The following UGT2B11 variants were observed in gnomAD, a reference collection of about 807,000 sequenced individuals.
UGT2B11 encodes the protein UDP-glucuronosyltransferase 2B11.
In UGT2B11, 49 loss-of-function variants were observed where a neutral mutation model predicts 51.7. The ratio of observed to expected loss-of-function variants is 0.95; its 90% CI spans 0.75 to 1.20. UGT2B11 has a LOEUF of 1.20. Ranked by LOEUF, UGT2B11 falls within the 50% of genes most tolerant of loss-of-function variation. The pLI is 0.00. For synonymous variants in UGT2B11, 273 were observed against 209.0 expected, an observed-to-expected ratio of 1.31 and a Z score of -2.64; for missense variants, 810 against 622.1, an observed-to-expected ratio of 1.30 and a Z score of -3.21.
chr4:69,203,871 G>T (rs1361342196), intron 5 of UGT2B11, among the ~76,000 whole-genome samples: 1 of 151,514 alleles, frequency 6.6e-6, no homozygotes, highest in Non-Finnish European at 1.5e-5. Flanking sequence ...TGGTGTCATT[G>T]CAGTTTCTTT....
chr4:69,200,822 A>C, intron 5 of UGT2B11, 103 bp from the exon 6 acceptor site: 1 of 1,277,296 alleles, frequency 7.8e-7, no homozygotes, highest in East Asian at 2.7e-5. Context: ...TTCAAAATAA[A>C]TGTCAAAGAA....
chr4:69,200,776 A>G, intron 5 of UGT2B11, 57 bp from the exon 6 acceptor site: 3 of 1,503,538 alleles, frequency 2.0e-6, no homozygotes, highest in Non-Finnish European at 2.7e-6. Flanking sequence ...GCCTGTACAT[A>G]TCAAGTCTAT....
Position 69,208,446 on chromosome 4 carries a change from C to A in UGT2B11, c.907G>T (p.Gly303Cys), listed in dbSNP as rs1405094128. The A allele has an allele frequency of 1.2e-6, 2 of 1,609,598 alleles. No individual in the cohort carries two copies. The highest frequency in any genetic ancestry group is 1.7e-5 in the Admixed American group (1 of 59,778). ...GACCCCAGAGAAAACACCACAACAC[C>A]ATTTTCTCCAGAGCTCTGTACAAAC... is the stretch of plus-strand genomic sequence containing the variant. ...EEFVQSSGENGVVVFSLGSVI... is the reference protein window; with the variant it reads ...EEFVQSSGENCVVVFSLGSVI... The change falls in exon 3 of 6, where the codon GGT (glycine) becomes TGT (cysteine). Residue 303 changes from glycine (G) to cysteine (C), a missense_variant. Physicochemically the swap from Gly to Cys is radical, Grantham distance 159. Coordinates refer to ENST00000446444, the MANE Select transcript of UGT2B11 (RefSeq NM_001073.3).
At chr4:69,218,715 T>C (rs188176127), upstream of UGT2B11, among the ~76,000 whole-genome samples, 34 of 152,026 alleles carry the variant, frequency 2.2e-4, no homozygotes, top group African/African-American at 5.5e-4. Context: ...TGAGAAAAGA[T>C]AGTTCATTGA....
the UGT2B11 span, among the ~76,000 whole-genome samples, chr4:69,223,597 G>A: frequency 6.6e-6 from 1 of 152,184 alleles, no homozygotes; most frequent in Non-Finnish European, 1.5e-5. Flanking sequence ...ATGCCTGCAT[G>A]CTAAGGCCCA....
At chr4:69,203,995 G>T (rs955555619) in intron 5 of UGT2B11, among the ~76,000 whole-genome samples, 1 of 151,364 alleles carries the variant, frequency 6.6e-6, no homozygotes, top group Non-Finnish European at 1.5e-5. Flanking sequence ...TTAAGCTATC[G>T]AAATTAAATC....
chr4:69,208,504 A>G (rs1392479138), intron 2 of UGT2B11, 22 bp from the exon 3 acceptor site: 1 of 1,606,832 alleles, frequency 6.2e-7, no homozygotes. Context: ...AAATTGTTTC[A>G]TCACAAAAGA....
chr4:69,208,513 G>C (rs371670512), intron 2 of UGT2B11, 31 bp from the exon 3 acceptor site: 174 of 1,605,698 alleles, frequency 1.1e-4, no homozygotes, highest in Non-Finnish European at 1.4e-4. Context: ...CATCACAAAA[G>C]AGTATCACCA....
chr4:69,210,908 T>A (rs1722035793), intron 2 of UGT2B11, among the ~76,000 whole-genome samples: 1 of 151,664 alleles, frequency 6.6e-6, no homozygotes, highest in Non-Finnish European at 1.5e-5. Flanking sequence ...ATTTAAAATA[T>A]GTGAGGTTCT....
At chr4:69,207,600 T>C (rs1223987424) in intron 3 of UGT2B11, among the ~76,000 whole-genome samples, 1 of 151,608 alleles carries the variant, frequency 6.6e-6, no homozygotes, top group Non-Finnish European at 1.5e-5. Flanking sequence ...TGCTGAGTCC[T>C]TGTGGGACCA....
chr4:69,206,549 C>A (rs1471021252), intron 3 of UGT2B11, among the ~76,000 whole-genome samples: 3 of 151,432 alleles, frequency 2.0e-5, no homozygotes, highest in Admixed American at 6.6e-5. Context: ...TGAGTGATGA[C>A]ACAATCAGTA....
upstream of UGT2B11, chr4:69,216,021 A>T (rs186567474): frequency 1.3e-5 from 2 of 152,200 alleles, no homozygotes; most frequent in East Asian, 3.9e-4. Flanking sequence ...GTGTTTTGGT[A>T]CTAAGTTCTG....
the UGT2B11 span, among the ~76,000 whole-genome samples, chr4:69,219,961 C>T: frequency 6.6e-6 from 1 of 152,132 alleles, no homozygotes; most frequent in African/African-American, 2.4e-5. Context: ...ACTCAAAAGT[C>T]CACAGTCCAG....
chr4:69,213,895 T>C, intron 1 of UGT2B11, 107 bp downstream of exon 1: 1 of 1,400,446 alleles, frequency 7.1e-7, no homozygotes, highest in Non-Finnish European at 9.4e-7. Context: ...TTTCATAAAT[T>C]CACTTACCAA....
At chr4:69,201,082 A>T (rs1442202662) in intron 5 of UGT2B11, 6 of 164,000 alleles carry the variant, frequency 3.7e-5, no homozygotes, top group Non-Finnish European at 5.3e-5. Context: ...AATGTGAAAT[A>T]ATCACATCAT....
rs759389100 is a variant in UGT2B11 at position 69,204,567 on chromosome 4, C to T, written c.1173G>A (p.Val391=). 1.3e-5 allele frequency: 21 copies of T among 1,612,188 alleles called. No homozygotes were observed. In the South Asian group the frequency reaches 1.3e-4, roughly 10 times the overall value. ...YEAIYHGIPM[V]GIPLFFDQPD... ...GTTGATCAAAAAACAATGGAATGCC[C>T]ACCATAGGGATCCCATGGTAGATTG... The change falls in exon 5 of 6, where the codon GTG becomes GTA. Residue 391 remains valine (V), a synonymous_variant. Coordinates refer to ENST00000446444, the MANE Select transcript of UGT2B11 (RefSeq NM_001073.3).
At chr4:69,222,543 C>A in the UGT2B11 span, among the ~76,000 whole-genome samples, 4 of 152,174 alleles carry the variant, frequency 2.6e-5, no homozygotes, top group Non-Finnish European at 5.9e-5. Context: ...ATTTTTGCCA[C>A]TCCTCCAGGG....
chr4:69,201,008 G>T lies in UGT2B11; in HGVS notation c.1311-289C>A, dbSNP rs7660257. Among the ~76,000 whole-genome samples the T allele has an allele frequency of 4.4e-3, 656 of 150,782 alleles. 6 individuals are homozygous for T. The highest frequency in any genetic ancestry group is 6.7e-3 in the Non-Finnish European group (453 of 67,582). ...TTTAACTGGCTTTTAATTGTTTAAT[G>T]TTAAGTTTTTGTGGGTCCATATTAA... On this transcript the variant is annotated intron_variant, in intron 5 of 5. Transcript: ENST00000446444.
chr4:69,222,618 T>C, the UGT2B11 span, among the ~76,000 whole-genome samples: 2 of 152,236 alleles, frequency 1.3e-5, no homozygotes, highest in Non-Finnish European at 2.9e-5. Context: ...CTGCTAAAGC[T>C]GCTTCTTTTT....
Sources: gnomAD v4.1 joint callset for allele counts (sites outside exome capture counted in the v4.1 genomes callset) on GRCh38, gnomAD v4.1.1 for gene constraint, MANE v1.5 for transcripts, NCBI Gene and HGNC (gene_info 2026-07-23, HGNC 2026-07-21) for gene names.